The following ZFHX3 variants were observed in gnomAD, a reference collection of about 807,000 sequenced individuals.
The protein encoded by ZFHX3 is zinc finger homeobox 3.
In ZFHX3, 42 loss-of-function variants were observed where a neutral mutation model predicts 279.1. The ratio of observed to expected loss-of-function variants is 0.15; its 90% CI spans 0.12 to 0.19. The LOEUF (loss-of-function observed/expected upper bound fraction) is 0.19, where lower values mean the gene tolerates loss of function less well. Among genes scored for constraint, ZFHX3 ranks in the 10% least tolerant of loss-of-function variants. ZFHX3 has a pLI of 1.00. For synonymous variants in ZFHX3, 2,293 were observed against 1,957.8 expected (o/e 1.17, Z -4.52); for missense variants, 4,981 against 4,754.0 (o/e 1.05, Z -1.40).
upstream of ZFHX3, among the ~76,000 whole-genome samples, chr16:73,049,292 C>T (rs1246139399): frequency 6.6e-6 from 1 of 152,246 alleles, no homozygotes; most frequent in East Asian, 1.9e-4. Context: ...AACCACCCAC[C>T]CAGGCTGGCC....
chr16:73,684,048 C>T (rs1041339957), intron 1 of ZFHX3, among the ~76,000 whole-genome samples: 4 of 152,172 alleles, frequency 2.6e-5, no homozygotes, highest in African/African-American at 4.8e-5. Context: ...AATCCCAGTA[C>T]TTTGGGAAGC....
intron 2 of ZFHX3, among the ~76,000 whole-genome samples, chr16:73,497,762 G>A (rs1445075917): frequency 6.6e-6 from 1 of 152,192 alleles, no homozygotes; most frequent in Non-Finnish European, 1.5e-5. Context: ...CGCTCCCAAA[G>A]ATATGGGTAG....
At chr16:73,337,896 G>GC (rs111719102) in intron 3 of ZFHX3, among the ~76,000 whole-genome samples, 5 of 145,316 alleles carry the variant, frequency 3.4e-5, no homozygotes, top group South Asian at 2.3e-4. Flanking sequence ...CCTTGGCGGG[G>GC]GGGGGGGTCC....
intron 2 of ZFHX3, among the ~76,000 whole-genome samples, chr16:73,545,898 C>T (rs962840390): frequency 6.6e-6 from 1 of 152,074 alleles, no homozygotes; most frequent in Non-Finnish European, 1.5e-5. Context: ...AGGGGACAAA[C>T]TCTGAATAAA....
At chr16:72,829,920 C>T in intron 4 of ZFHX3, 61 bp from the exon 5 acceptor site, 2 of 1,587,378 alleles carry the variant, frequency 1.3e-6, no homozygotes, top group Non-Finnish European at 1.7e-6. Context: ...GGACTTTTGG[C>T]CTCTGTTGCA....
chr16:73,590,823 G>A (rs1171149968), intron 2 of ZFHX3, among the ~76,000 whole-genome samples: 1 of 152,112 alleles, frequency 6.6e-6, no homozygotes, highest in Non-Finnish European at 1.5e-5. Flanking sequence ...GATCACCAAT[G>A]GCTATAATGT....
At chr16:73,591,692 C>CAAAAAAAAAAAAAAAAAAAAA (rs57402211) in intron 2 of ZFHX3, among the ~76,000 whole-genome samples, 1 of 33,440 alleles carries the variant, frequency 3.0e-5, no homozygotes, top group Non-Finnish European at 5.5e-5. Flanking sequence ...GACTCTGTCT[C>CAAAAAAAAAAAAAAAAAAAAA]AAAAAAAAAA....
At chr16:72,830,095 T>G (rs2037028501) in intron 4 of ZFHX3, among the ~76,000 whole-genome samples, 1 of 152,240 alleles carries the variant, frequency 6.6e-6, no homozygotes. Flanking sequence ...GCTCCAGATG[T>G]GTGGCCATTA....
At chr16:73,001,480 CAATA>C (rs982869097) in intron 1 of ZFHX3, among the ~76,000 whole-genome samples, 4 of 152,094 alleles carry the variant, frequency 2.6e-5, no homozygotes, top group Non-Finnish European at 4.4e-5. Context: ...TGTGATGCAG[CAATA>C]GATAACAATA....
intron 3 of ZFHX3, among the ~76,000 whole-genome samples, chr16:72,916,055 G>A (rs184191309): frequency 6.6e-6 from 1 of 152,316 alleles, no homozygotes; most frequent in African/African-American, 2.4e-5. Flanking sequence ...ATGACGGACT[G>A]GAATAGTATA....
intron 1 of ZFHX3, among the ~76,000 whole-genome samples, chr16:73,054,018 AG>A (rs1167720815): frequency 4.0e-5 from 3 of 75,888 alleles, no homozygotes; most frequent in Non-Finnish European, 5.5e-5. Context: ...CCATGGAGGG[AG>A]GGGGGAGGAA....
intron 4 of ZFHX3, among the ~76,000 whole-genome samples, chr16:73,272,006 C>T (rs2014158773): frequency 1.3e-5 from 2 of 152,286 alleles, no homozygotes; most frequent in African/African-American, 2.4e-5. Flanking sequence ...GTCTGTTTTT[C>T]AGACAAGCAA....
At chr16:73,111,555 AG>A (rs1966373682) in intron 7 of ZFHX3, among the ~76,000 whole-genome samples, 1 of 142,562 alleles carries the variant, frequency 7.0e-6, no homozygotes, top group African/African-American at 2.5e-5. Flanking sequence ...GTTTATCCTA[AG>A]TCTTTACAGA....
chr16:73,884,533 T>C, intron 1 of ZFHX3, among the ~76,000 whole-genome samples: 1 of 152,216 alleles, frequency 6.6e-6, no homozygotes, highest in Non-Finnish European at 1.5e-5. Context: ...TTAAATTGTT[T>C]GTTTTGGATT....
chr16:72,936,471 T>C (rs886908950), intron 3 of ZFHX3, among the ~76,000 whole-genome samples: 43 of 152,242 alleles, frequency 2.8e-4, no homozygotes, highest in African/African-American at 1.0e-3. Flanking sequence ...AGTGAAGTGA[T>C]GGTGTAGCTC....
intron 1 of ZFHX3, among the ~76,000 whole-genome samples, chr16:73,709,217 T>A (rs895588270): frequency 4.6e-5 from 7 of 151,942 alleles, no homozygotes; most frequent in South Asian, 2.1e-4. Flanking sequence ...AAAGAAAAAT[T>A]AGCCAGGCCT....
At chr16:73,458,226 C>A (rs1033839594) in intron 2 of ZFHX3, among the ~76,000 whole-genome samples, 2 of 152,072 alleles carry the variant, frequency 1.3e-5, no homozygotes, top group Admixed American at 6.5e-5. Context: ...AGAGTGGTTA[C>A]CTGCCAAGAC....
intron 4 of ZFHX3, among the ~76,000 whole-genome samples, chr16:72,834,166 T>C (rs2037129599): frequency 2.0e-5 from 3 of 152,166 alleles, no homozygotes; most frequent in African/African-American, 7.2e-5. Context: ...GAGGATTACT[T>C]GAGCCCAGGC....
At chr16:72,805,892 T>G (rs2036249190) in intron 7 of ZFHX3, 1 of 152,346 alleles carries the variant, frequency 6.6e-6, no homozygotes, top group African/African-American at 2.4e-5. Flanking sequence ...TTCCTTTTCT[T>G]TCTTTCTTTT....
Sources: gnomAD v4.1 joint callset for allele counts (sites outside exome capture counted in the v4.1 genomes callset) on GRCh38, gnomAD v4.1.1 for gene constraint, MANE v1.5 for transcripts, NCBI Gene and HGNC (gene_info 2026-07-23, HGNC 2026-07-21) for gene names.